The following FRAS1 variants were observed in gnomAD, a reference collection of about 807,000 sequenced individuals.
FRAS1 encodes extracellular matrix organizing protein FRAS1.
In FRAS1, 290 loss-of-function variants were observed where a neutral mutation model predicts 435.2. That is an observed-to-expected ratio of 0.67 (90% CI 0.61 to 0.73). The LOEUF (loss-of-function observed/expected upper bound fraction) is 0.73, where lower values mean the gene tolerates loss of function less well. Among genes scored for constraint, FRAS1 ranks in the 30% least tolerant of loss-of-function variants. The pLI, the probability that FRAS1 is intolerant of heterozygous loss-of-function variation, is 0.00. For synonymous variants in FRAS1, 1,800 were observed against 1,851.0 expected, an observed-to-expected ratio of 0.97 and a Z score of 0.71; for missense variants, 4,860 against 5,001.5, an observed-to-expected ratio of 0.97 and a Z score of 0.85.
At chr4:78,378,591 C>T (rs948123514) in intron 26 of FRAS1, among the ~76,000 whole-genome samples, 1 of 152,140 alleles carries the variant, frequency 6.6e-6, no homozygotes, top group Non-Finnish European at 1.5e-5. Context: ...CATTGTCTTT[C>T]CTAGTGGAAG....
At position 78,540,934 on chromosome 4, in the gene FRAS1, C is replaced by T. The variant is rs751046936; in HGVS notation, c.11849C>T (p.Thr3950Ile). 6.2e-7 allele frequency: 1 copy of T among 1,613,908 alleles called. No individual in the cohort carries two copies. Among genetic ancestry groups the T allele is most frequent in the Non-Finnish European group, 8.5e-7 (1 of 1,179,880 alleles). The change falls in exon 74 of 74, where the codon ACC becomes ATC. Residue 3950 changes from threonine to isoleucine, a missense_variant. Thr to Ile is a moderately conservative substitution (Grantham distance 89, BLOSUM62 -1). Coordinates refer to ENST00000512123, the MANE Select transcript of FRAS1 (RefSeq NM_025074.7). ...EDILEEYPLN[T>I]KVEVPKRHPD... ...ATTTTGGAAGAATATCCTCTGAATA[C>T]CAAGGTAGAAGTGCCCAAGAGGCAC...
At chr4:78,134,215 C>G (rs1254107605) in intron 2 of FRAS1, among the ~76,000 whole-genome samples, 1 of 152,132 alleles carries the variant, frequency 6.6e-6, no homozygotes, top group African/African-American at 2.4e-5. Flanking sequence ...AAGGCCAACT[C>G]TGCTTCCTCC....
At chr4:78,119,708 A>T (rs1448027082) in intron 2 of FRAS1, among the ~76,000 whole-genome samples, 2 of 152,088 alleles carry the variant, frequency 1.3e-5, no homozygotes, top group Non-Finnish European at 1.5e-5. Flanking sequence ...TTTATCAAAA[A>T]CTCTGCCACG....
rs775281743 is a variant in FRAS1, at chr4:78,477,831, G to C, written c.7868G>C (p.Arg2623Pro). 5 of 1,613,102 alleles carry C rather than the reference G, an allele frequency of 3.1e-6. No individual in the cohort carries two copies. In the South Asian group the frequency reaches 3.3e-5, roughly 11 times the overall value. ...EYAGQVQFDE[R>P]EDTKSCTIVI... ...TTGTGACAGGTCCAGTTTGATGAGC[G>C]AGAGGACACCAAGTCCTGCACCATT... The change falls in exon 55 of 74, where the codon CGA (arginine) becomes CCA (proline). Residue 2623 changes from arginine (R) to proline (P), a missense_variant. Coordinates refer to ENST00000512123, the MANE Select transcript of FRAS1 (RefSeq NM_025074.7).
chr4:78,172,027 A>G (rs560456333), intron 2 of FRAS1, among the ~76,000 whole-genome samples: 1 of 152,244 alleles, frequency 6.6e-6, no homozygotes, highest in East Asian at 1.9e-4. Flanking sequence ...TGCCTTTTCC[A>G]GTATTTAAGA....
chr4:78,101,902 C>T (rs1043735229), intron 2 of FRAS1, among the ~76,000 whole-genome samples: 1 of 152,152 alleles, frequency 6.6e-6, no homozygotes, highest in Non-Finnish European at 1.5e-5. Flanking sequence ...TTTCATTCCG[C>T]TCGTGTCCAT....
intron 24 of FRAS1, among the ~76,000 whole-genome samples, chr4:78,373,465 T>C (rs1731595126): frequency 6.8e-6 from 1 of 148,114 alleles, no homozygotes. Context: ...ATAATAATAA[T>C]AATAATAATA....
chr4:78,403,130 A>G (rs560924108), intron 30 of FRAS1, among the ~76,000 whole-genome samples: 1 of 152,086 alleles, frequency 6.6e-6, no homozygotes, highest in Admixed American at 6.5e-5. Flanking sequence ...GGTCCTTTTC[A>G]TCTCTAAAAA....
intron 37 of FRAS1, among the ~76,000 whole-genome samples, chr4:78,431,194 G>T (rs1308322003): frequency 6.6e-6 from 1 of 152,144 alleles, no homozygotes; most frequent in Non-Finnish European, 1.5e-5. Context: ...GCTACTGATG[G>T]TAGATGGAAT....
intron 12 of FRAS1, among the ~76,000 whole-genome samples, chr4:78,283,871 C>T (rs1334417578): frequency 2.0e-5 from 3 of 151,982 alleles, no homozygotes; most frequent in African/African-American, 7.3e-5. Flanking sequence ...AAAAGAAGTC[C>T]CTTGCTGATA....
intron 71 of FRAS1, 38 bp from the exon 72 acceptor site, chr4:78,536,957 T>TA (rs750755567): frequency 2.6e-6 from 4 of 1,555,922 alleles, no homozygotes; most frequent in Non-Finnish European, 3.5e-6. Context: ...TCTTTCATCT[T>TA]AAAGTCTGAC....
At chr4:78,200,905 A>ATATATATATGTATATATATAAATACG (rs767313663) in intron 2 of FRAS1, among the ~76,000 whole-genome samples, 7 of 79,246 alleles carry the variant, frequency 8.8e-5, no homozygotes, top group African/African-American at 2.2e-4. Context: ...ATAAATACGT[A>ATATATATATGTATATATATAAATACG]TATATATATA....
intron 27 of FRAS1, among the ~76,000 whole-genome samples, chr4:78,383,811 AC>A (rs1401060608): frequency 6.6e-6 from 1 of 152,254 alleles, no homozygotes; most frequent in Admixed American, 6.5e-5. Context: ...AAGATAGGAA[AC>A]AAAATGTTTA....
intron 2 of FRAS1, chr4:78,181,476 G>A (rs1337209702): frequency 1.2e-6 from 2 of 1,611,762 alleles, no homozygotes; most frequent in Non-Finnish European, 1.7e-6. Flanking sequence ...TCAAATTCAC[G>A]TTTGCCACGA....
At chr4:78,434,683 T>C (rs55849455) in intron 38 of FRAS1, among the ~76,000 whole-genome samples, 25,272 of 151,852 alleles carry the variant, frequency 0.17, 2,333 homozygotes, top group Non-Finnish European at 0.22. Flanking sequence ...GGAGAATTTA[T>C]CAAGGAGCCA....
chr4:78,302,450 G>T (rs1433500184), intron 14 of FRAS1, among the ~76,000 whole-genome samples: 1 of 152,040 alleles, frequency 6.6e-6, no homozygotes, highest in Non-Finnish European at 1.5e-5. Context: ...CACAATGGGT[G>T]AACTAGTTTA....
At position 78,150,415 on chromosome 4, in the gene FRAS1, C is replaced by T. The variant is rs74706690; in HGVS notation, c.108+84399C>T. On this transcript the variant is annotated intron_variant, in intron 2 of 73. Transcript: ENST00000512123. ...CAATTCTAATCACTTGGCATCTTCT[C>T]GGAACACAGATTGGAAAACAACAGT... 7.1e-3 allele frequency among the ~76,000 whole-genome samples: 1,079 copies of T among 152,236 alleles called. 31 individuals are homozygous for T. The South Asian group carries it at 0.082, about 12-fold the overall frequency.
At chr4:78,533,840 C>T (rs906617094) in intron 70 of FRAS1, among the ~76,000 whole-genome samples, 3 of 152,126 alleles carry the variant, frequency 2.0e-5, no homozygotes, top group Non-Finnish European at 4.4e-5. Context: ...GCATTACTAC[C>T]TTTGAGATAG....
In FRAS1 at chr4:78,189,023, C is replaced by T. The variant is rs370974528; in HGVS notation, c.109-48487C>T. Among the ~76,000 whole-genome samples the T allele has an allele frequency of 1.4e-4, 22 of 152,184 alleles. 1 individual carries two copies. Among genetic ancestry groups the T allele is most frequent in the Admixed American group, 7.2e-4 (11 of 15,286 alleles). ...GTGAAGAGGCATGTGGTATTACTGCCGAACTGTAGGTGAGACCCAGACTAA... is the reference window on the plus strand; with the variant it reads ...GTGAAGAGGCATGTGGTATTACTGCTGAACTGTAGGTGAGACCCAGACTAA... On this transcript the variant is annotated intron_variant, in intron 2 of 73. Transcript: ENST00000512123.
Sources: allele counts gnomAD v4.1 joint callset (sites outside exome capture counted in the v4.1 genomes callset), GRCh38; gene constraint gnomAD v4.1.1; transcripts MANE v1.5; gene names NCBI Gene and HGNC (gene_info 2026-07-23, HGNC 2026-07-21).